OTOGL: variants seen among roughly 807,000 people sequenced by gnomAD.
The protein encoded by OTOGL is otogelin-like protein.
Under a neutral mutation model 318.5 loss-of-function variants are expected in OTOGL, and 285 were observed. The observed-to-expected ratio is 0.89, with a 90% CI of 0.81 to 0.99. The LOEUF is 0.99. Among genes scored for constraint, OTOGL ranks in the 50% least tolerant of loss-of-function variants. The probability of loss-of-function intolerance (pLI) is 0.00; values close to 1 mark genes in which losing one functional copy is unlikely to be tolerated. For missense variants in OTOGL, 2,899 were observed against 2,845.6 expected (o/e 1.02, Z -0.43); for synonymous variants, 987 against 936.5 (o/e 1.05, Z -0.99).
intron 1 of OTOGL, among the ~76,000 whole-genome samples, chr12:80,122,894 T>TTTTTA (rs1220494929): frequency 2.9e-5 from 3 of 103,472 alleles, no homozygotes; most frequent in African/African-American, 1.4e-4. Flanking sequence ...TTATTTTTAT[T>TTTTTA]TTTTTATTTT....
intron 1 of OTOGL, among the ~76,000 whole-genome samples, chr12:80,121,313 A>C (rs994808912): frequency 1.1e-4 from 17 of 152,214 alleles, no homozygotes; most frequent in Admixed American, 4.6e-4. Context: ...TTCTATGTGT[A>C]TGCAGCTTAA....
chr12:80,238,312 G>A (rs184428974), intron 9 of OTOGL, among the ~76,000 whole-genome samples: 8 of 152,192 alleles, frequency 5.3e-5, no homozygotes, highest in African/African-American at 1.9e-4. Flanking sequence ...CTCTTCTATT[G>A]ATGTGTTTTC....
At chr12:80,180,742 T>C (rs1430073081) in intron 1 of OTOGL, among the ~76,000 whole-genome samples, 1 of 152,144 alleles carries the variant, frequency 6.6e-6, no homozygotes, top group African/African-American at 2.4e-5. Flanking sequence ...GTGTCAAGGA[T>C]GGAGTGGCCC....
rs965896697 is a variant in OTOGL at position 80,248,283 on chromosome 12, G to T, written c.1053-3410G>T. ...CTCGATGGTCTTTACATTTTGGCATGATTTTGCAGCGGCTGGTACCAGTTG... is the reference window on the plus strand; with the variant it reads ...CTCGATGGTCTTTACATTTTGGCATTATTTTGCAGCGGCTGGTACCAGTTG... On this transcript the variant is annotated intron_variant, in intron 11 of 58. Transcript: ENST00000547103. Among the ~76,000 whole-genome samples, 13 of 147,372 alleles carry T rather than the reference G, an allele frequency of 8.8e-5. 1 individual carries two copies. Among genetic ancestry groups the T allele is most frequent in the Non-Finnish European group, 1.7e-4 (11 of 66,466 alleles).
chr12:80,365,728 G>C (rs909654988), intron 52 of OTOGL, among the ~76,000 whole-genome samples: 10 of 152,026 alleles, frequency 6.6e-5, no homozygotes, highest in Non-Finnish European at 1.2e-4. Context: ...AACTTACAAG[G>C]CACTATAAAA....
chr12:80,340,512 T>C (rs1004920086), intron 43 of OTOGL, among the ~76,000 whole-genome samples: 1 of 152,168 alleles, frequency 6.6e-6, no homozygotes, highest in African/African-American at 2.4e-5. Context: ...TATTTTTATG[T>C]TTTTTATCCT....
At chr12:80,217,253 G>A (rs1486723777) in intron 4 of OTOGL, among the ~76,000 whole-genome samples, 2 of 151,670 alleles carry the variant, frequency 1.3e-5, no homozygotes, top group African/African-American at 2.4e-5. Context: ...CTTTCATGAG[G>A]TTGCGAGGTG....
At chr12:80,150,038 T>C (rs1035386872) in intron 1 of OTOGL, among the ~76,000 whole-genome samples, 3 of 152,202 alleles carry the variant, frequency 2.0e-5, no homozygotes, top group Admixed American at 1.3e-4. Flanking sequence ...CTGGGAGCTG[T>C]AGACCGGAGC....
intron 34 of OTOGL, among the ~76,000 whole-genome samples, chr12:80,321,341 T>C (rs1212069562): frequency 6.6e-6 from 1 of 152,172 alleles, no homozygotes; most frequent in African/African-American, 2.4e-5. Context: ...AGAAATCGTT[T>C]CATCCTTGTG....
chr12:80,259,383 A>G (rs546189546), intron 18 of OTOGL, among the ~76,000 whole-genome samples: 1 of 151,846 alleles, frequency 6.6e-6, no homozygotes, highest in African/African-American at 2.4e-5. Flanking sequence ...TTTTTATTTT[A>G]TATTAAGTTC....
At chr12:80,372,384 C>A (rs1890930892) in intron 57 of OTOGL, among the ~76,000 whole-genome samples, 1 of 151,806 alleles carries the variant, frequency 6.6e-6, no homozygotes, top group African/African-American at 2.4e-5. Flanking sequence ...AAAGGTATTT[C>A]ATAAGATTTC....
In OTOGL at chr12:80,355,740, C is replaced by T. The variant is rs61734095; in HGVS notation, c.5598C>T (p.Cys1866=). The change falls in exon 47 of 59, where the codon TGC becomes TGT. Residue 1866 remains cysteine (C), a synonymous_variant. Transcript: ENST00000547103. ...AQCIPEKECA[C]TDSEDQPRTA... ...AATACTGTTGATCTTTTTAAGCATG[C>T]ACTGATAGTGAAGACCAACCCCGCA... The T allele has an allele frequency of 2.3e-3, 3,696 of 1,611,732 alleles. 34 individuals are homozygous for T. In the African/African-American group the frequency reaches 0.027, roughly 12 times the overall value.
intron 38 of OTOGL, among the ~76,000 whole-genome samples, chr12:80,335,622 T>A (rs1171448110): frequency 6.6e-6 from 1 of 152,126 alleles, no homozygotes; most frequent in Non-Finnish European, 1.5e-5. Flanking sequence ...ATTGATATAC[T>A]AGCTTTGCAC....
chr12:80,349,145 A>G (rs958418988), intron 44 of OTOGL, among the ~76,000 whole-genome samples: 2 of 152,142 alleles, frequency 1.3e-5, no homozygotes, highest in Non-Finnish European at 2.9e-5. Context: ...ATCAGAGTAA[A>G]AACATCGAGC....
chr12:80,160,912 C>G (rs114828972), intron 1 of OTOGL, among the ~76,000 whole-genome samples: 1 of 151,944 alleles, frequency 6.6e-6, no homozygotes, highest in Non-Finnish European at 1.5e-5. Context: ...CAAAAAGGAA[C>G]AAATTAATGG....
chr12:80,125,817 T>G (rs984527777), intron 1 of OTOGL, among the ~76,000 whole-genome samples: 31 of 152,216 alleles, frequency 2.0e-4, no homozygotes, highest in African/African-American at 7.2e-4. Flanking sequence ...TTTTCTAGTT[T>G]ATTTGTGTAA....
In OTOGL at chr12:80,368,341, A is replaced by G. The variant is rs779530988; in HGVS notation, c.6615+32A>G. The G allele has an allele frequency of 1.0e-5, 15 of 1,497,616 alleles. No homozygotes were observed. In the East Asian group the frequency reaches 1.9e-4, roughly 19 times the overall value. 92.8% of individuals were successfully genotyped at this position (1,497,616 alleles called of 1,614,324 possible). On this transcript the variant is annotated intron_variant, in intron 55 of 58. Coordinates refer to ENST00000547103, the MANE Select transcript of OTOGL (RefSeq NM_001378609.3). ...TTCATGGAGAGTAATGCTCTGTGCT[A>G]TTTTCTGAAGGAGGAGTTCTTGAGT...
At chr12:80,311,217 C>T (rs146039799) in intron 30 of OTOGL, among the ~76,000 whole-genome samples, 344 of 152,266 alleles carry the variant, frequency 2.3e-3, no homozygotes, top group Non-Finnish European at 3.6e-3. Flanking sequence ...GAAGTTTAAG[C>T]AATATTTCAA....
Position 80,336,827 on chromosome 12 carries a change from A to G in OTOGL, c.4767+7A>G. 6.5e-7 allele frequency: 1 copy of G among 1,529,334 alleles called. No individual in the cohort carries two copies. The highest frequency in any genetic ancestry group is 8.9e-7 in the Non-Finnish European group (1 of 1,128,662). The allele number at this position is 1,529,334 out of a possible 1,614,324, so 94.7% of individuals were successfully genotyped here. On this transcript the variant is annotated splice_region_variant and intron_variant, in intron 41 of 58. Transcript: ENST00000547103. ...AAACTCCTTAAAAAAGCTAGTGAGT[A>G]TTTGCAAAGTGTTTAGTACATTCAT...
Sources: gnomAD v4.1 joint callset for allele counts (sites outside exome capture counted in the v4.1 genomes callset) on GRCh38, gnomAD v4.1.1 for gene constraint, MANE v1.5 for transcripts, NCBI Gene and HGNC (gene_info 2026-07-23, HGNC 2026-07-21) for gene names.